The following GLI2 variants were observed in gnomAD, a reference collection of about 807,000 sequenced individuals.
GLI2 encodes GLI family zinc finger 2.
In GLI2, 22 loss-of-function variants were observed where a neutral mutation model predicts 78.9. The ratio of observed to expected loss-of-function variants is 0.28; its 90% CI spans 0.20 to 0.40. The LOEUF (loss-of-function observed/expected upper bound fraction) is 0.40. Among genes scored for constraint, GLI2 ranks in the 10% least tolerant of loss-of-function variants. The probability of loss-of-function intolerance (pLI) is 1.00; values close to 1 mark genes in which losing one functional copy is unlikely to be tolerated. For synonymous variants in GLI2, 974 were observed against 963.7 expected, an observed-to-expected ratio of 1.01 and a Z score of -0.20; for missense variants, 2,097 against 2,213.2, an observed-to-expected ratio of 0.95 and a Z score of 1.05.
rs74507703 is a variant in GLI2, at chr2:120,751,768, A to G, written c.-31+15483A>G. On this transcript the variant is annotated intron_variant, in intron 1 of 13. Coordinates refer to ENST00000361492, the MANE Select transcript of GLI2 (RefSeq NM_001374353.1). Reference sequence around the variant, plus strand: ...ATCATAGCACACATATTGTTTTGCAATCTTCACACTGTATTAGTGTGCATG... The same window carrying G: ...ATCATAGCACACATATTGTTTTGCAGTCTTCACACTGTATTAGTGTGCATG... Among the ~76,000 whole-genome samples the G allele has an allele frequency of 1.4e-4, 22 of 152,286 alleles. No homozygotes were observed. In the East Asian group the frequency reaches 3.3e-3, roughly 23 times the overall value.
At chr2:120,807,788 A>G (rs1047954464) in intron 2 of GLI2, among the ~76,000 whole-genome samples, 1 of 152,136 alleles carries the variant, frequency 6.6e-6, no homozygotes, top group Non-Finnish European at 1.5e-5. Flanking sequence ...CTCTGCTCAC[A>G]GCCACACGTG....
chr2:120,841,833 C>T, intron 2 of GLI2, among the ~76,000 whole-genome samples: 1 of 109,128 alleles, frequency 9.2e-6, no homozygotes, highest in Non-Finnish European at 2.0e-5. Context: ...AGGACCATTG[C>T]AAGCCAGTCT....
chr2:120,817,507 C>G (rs1179077181), intron 2 of GLI2, among the ~76,000 whole-genome samples: 1 of 152,220 alleles, frequency 6.6e-6, no homozygotes, highest in African/African-American at 2.4e-5. Flanking sequence ...CTCATCACCG[C>G]TCCGCCTCAG....
intron 2 of GLI2, among the ~76,000 whole-genome samples, chr2:120,894,939 T>A (rs1290872993): frequency 1.3e-5 from 2 of 152,292 alleles, no homozygotes; most frequent in Admixed American, 6.5e-5. Flanking sequence ...CCTCGTGATC[T>A]GCCCGCCTCA....
intron 2 of GLI2, among the ~76,000 whole-genome samples, chr2:120,915,982 A>T (rs566134270): frequency 1.3e-5 from 2 of 152,332 alleles, no homozygotes; most frequent in African/African-American, 4.8e-5. Flanking sequence ...CATGGACATG[A>T]TAAATGATTT....
At chr2:120,966,116 T>A (rs1322097913) in intron 5 of GLI2, among the ~76,000 whole-genome samples, 1 of 152,178 alleles carries the variant, frequency 6.6e-6, no homozygotes, top group Non-Finnish European at 1.5e-5. Context: ...CTGGGAGCTT[T>A]CCTAACATCA....
At chr2:120,945,957 T>TCTCACACACACA (rs1553470434) in intron 3 of GLI2, among the ~76,000 whole-genome samples, 19 of 134,154 alleles carry the variant, frequency 1.4e-4, no homozygotes, top group African/African-American at 4.3e-4. Context: ...CATAACCTTC[T>TCTCACACACACA]CACACACACA....
chr2:120,884,916 A>G (rs1677323040), intron 2 of GLI2, among the ~76,000 whole-genome samples: 1 of 152,026 alleles, frequency 6.6e-6, no homozygotes, highest in Admixed American at 6.6e-5. Flanking sequence ...ACCTCCTACC[A>G]TTGCTGCCAT....
intron 1 of GLI2, among the ~76,000 whole-genome samples, chr2:120,736,924 G>A (rs1213015838): frequency 6.7e-6 from 1 of 148,734 alleles, no homozygotes; most frequent in Non-Finnish European, 1.5e-5. Context: ...TCGGCCCTGA[G>A]ATCCGCTTGA....
rs72955393 is a variant in GLI2 at position 120,932,763 on chromosome 2, A to C, written c.254+5297A>C. Among the ~76,000 whole-genome samples the C allele has an allele frequency of 4.0e-3, 613 of 152,330 alleles. 7 individuals are homozygous for C. Among genetic ancestry groups the C allele is most frequent in the African/African-American group, 0.014 (571 of 41,574 alleles). On this transcript the variant is annotated intron_variant, in intron 3 of 13. Transcript: ENST00000361492. ...AGCAACAATCGTGATCATTGTTGTT[A>C]TCCTCACTTGCTGATTTGAGAAGGG... is the stretch of plus-strand genomic sequence containing the variant.
At chr2:120,881,258 C>A (rs277547) in intron 2 of GLI2, among the ~76,000 whole-genome samples, 68,365 of 152,050 alleles carry the variant, frequency 0.45, 15,691 homozygotes, top group Middle Eastern at 0.65. Context: ...TGCCTAGAAG[C>A]ACTGAGGCTG....
Position 120,837,503 on chromosome 2 carries a change from C to T in GLI2, c.148+40035C>T, listed in dbSNP as rs565600287. ...GGTATGGCATGGTTTATTGAGACAA[C>T]GGTTGTACATTTTAACACAGTCGAG... On this transcript the variant is annotated intron_variant, in intron 2 of 13. Transcript: ENST00000361492. Among the ~76,000 whole-genome samples the T allele has an allele frequency of 4.0e-5, 6 of 151,662 alleles. No homozygotes were observed. The South Asian group carries it at 8.3e-4, about 21-fold the overall frequency.
intron 2 of GLI2, among the ~76,000 whole-genome samples, chr2:120,892,180 C>T (rs1316316811): frequency 6.6e-6 from 1 of 152,202 alleles, no homozygotes; most frequent in Non-Finnish European, 1.5e-5. Context: ...TCTTTGCTCA[C>T]GTGACAGAGA....
chr2:120,926,296 G>A (rs1409872149), intron 2 of GLI2, among the ~76,000 whole-genome samples: 1 of 151,946 alleles, frequency 6.6e-6, no homozygotes, highest in Non-Finnish European at 1.5e-5. Context: ...CAGCACTTTG[G>A]GAGGCCGAGG....
At chr2:120,770,049 TTCTCC>T (rs1683478922) in intron 1 of GLI2, among the ~76,000 whole-genome samples, 1 of 152,128 alleles carries the variant, frequency 6.6e-6, no homozygotes, top group Non-Finnish European at 1.5e-5. Flanking sequence ...TGGTGCTCAG[TTCTCC>T]TGGCCCCAGC....
intron 5 of GLI2, among the ~76,000 whole-genome samples, chr2:120,968,393 G>A (rs1168970004): frequency 6.6e-6 from 1 of 152,138 alleles, no homozygotes; most frequent in Non-Finnish European, 1.5e-5. Flanking sequence ...CTGTCATGAG[G>A]TAAGCATTGC....
chr2:120,944,351 G>A (rs1159295576), intron 3 of GLI2, among the ~76,000 whole-genome samples: 1 of 152,218 alleles, frequency 6.6e-6, no homozygotes, highest in African/African-American at 2.4e-5. Context: ...TACACTGCAT[G>A]CTTTCCATGC....
intron 2 of GLI2, among the ~76,000 whole-genome samples, chr2:120,911,456 TC>T (rs148543876): frequency 0.042 from 6,405 of 152,208 alleles, 451 homozygotes; most frequent in African/African-American, 0.14. Flanking sequence ...CGTGGCTGAC[TC>T]CTAGAAACTG....
At chr2:120,777,429 G>A (rs571484378) in intron 1 of GLI2, among the ~76,000 whole-genome samples, 1 of 152,170 alleles carries the variant, frequency 6.6e-6, no homozygotes, top group Admixed American at 6.5e-5. Context: ...TTCCAGTGCC[G>A]TTTGGGCTGC....
Sources: allele counts gnomAD v4.1 joint callset (sites outside exome capture counted in the v4.1 genomes callset), GRCh38; gene constraint gnomAD v4.1.1; transcripts MANE v1.5; gene names NCBI Gene and HGNC (gene_info 2026-07-23, HGNC 2026-07-21).